ACAN: variants seen among roughly 807,000 people sequenced by gnomAD.
The protein encoded by ACAN is aggrecan, also known as aggrecan core protein.
Under a neutral mutation model 169.1 loss-of-function variants are expected in ACAN, and 47 were observed. The observed-to-expected ratio is 0.28, with a 90% CI of 0.22 to 0.35. The LOEUF (loss-of-function observed/expected upper bound fraction) is 0.35. Ranked by LOEUF, ACAN falls within the 10% of genes least tolerant of loss-of-function variation. The pLI, the probability that ACAN is intolerant of heterozygous loss-of-function variation, is 1.00. For missense variants in ACAN, 2,716 were observed against 2,759.9 expected (o/e 0.98, Z 0.36); for synonymous variants, 1,115 against 1,112.2 (o/e 1.00, Z -0.05).
At position 88,874,146 on chromosome 15, in the gene ACAN, C is replaced by T; in HGVS notation, c.7630+122C>T. The T allele has an allele frequency of 1.2e-5, 16 of 1,358,610 alleles. No homozygotes were observed. The highest frequency in any genetic ancestry group is 9.8e-5 in the Admixed American group (5 of 50,988). 84.2% of individuals were successfully genotyped at this position (1,358,610 alleles called of 1,614,324 possible). ...CAGGGTTGAGCAAGGGAAGGGAGGT[C>T]GGGGGGCTGCTCAGTCACAAATAGC... On this transcript the variant is annotated intron_variant, in intron 18 of 18. Coordinates refer to ENST00000560601, the MANE Select transcript of ACAN (RefSeq NM_001369268.1). The surrounding 1 kb of genome is among the most constrained non-coding windows in gnomAD (Gnocchi z 7.3).
chr15:88,846,043 CA>C (rs1294587260), intron 7 of ACAN, among the ~76,000 whole-genome samples, 161 bp downstream of exon 7: 1 of 152,232 alleles, frequency 6.6e-6, no homozygotes, highest in Non-Finnish European at 1.5e-5. Flanking sequence ...GGAACAAAAA[CA>C]ATAGGCCAGA....
At chr15:88,819,492 G>T (rs11631856) in intron 1 of ACAN, among the ~76,000 whole-genome samples, 29,686 of 151,846 alleles carry the variant, frequency 0.2, 3,416 homozygotes, top group East Asian at 0.32. Context: ...GCTGGATTCA[G>T]GGACTCATGC....
At position 88,838,922 on chromosome 15, in the gene ACAN, G is replaced by A. The variant is rs373654303; in HGVS notation, c.330G>A (p.Pro110=). ...ACAAGGTCTCACTGCCCAACTACCC[G>A]GCCATCCCCAGTGACGCCACCTTGG... ...YQDKVSLPNY[P]AIPSDATLEV... The change falls in exon 3 of 19, where the codon CCG becomes CCA. Residue 110 remains proline (P), a synonymous_variant. Transcript: ENST00000560601. This position sits in a 1 kb window ranked among gnomAD's most constrained non-coding sequence, Gnocchi z 5.1. The A allele has an allele frequency of 3.2e-4, 511 of 1,613,856 alleles. No homozygotes were observed. The highest frequency in any genetic ancestry group is 4.1e-4 in the Non-Finnish European group (489 of 1,179,910).
At chr15:88,864,215 A>G (rs1277369479) in intron 13 of ACAN, among the ~76,000 whole-genome samples, 1 of 152,140 alleles carries the variant, frequency 6.6e-6, no homozygotes, top group Non-Finnish European at 1.5e-5. Context: ...TTCAAGATCA[A>G]CCTTTAAAAT....
chr15:88,832,741 T>C (rs1446022727), intron 1 of ACAN, among the ~76,000 whole-genome samples: 1 of 152,244 alleles, frequency 6.6e-6, no homozygotes, highest in Non-Finnish European at 1.5e-5. Flanking sequence ...TGGAAAGTCA[T>C]CTGGTCCAAC....
chr15:88,837,163 A>G (rs1412055650), intron 2 of ACAN, among the ~76,000 whole-genome samples: 6 of 152,116 alleles, frequency 3.9e-5, no homozygotes, highest in Admixed American at 3.9e-4. Flanking sequence ...GGGAGGGGCC[A>G]AGGAGTGGCT....
intron 1 of ACAN, among the ~76,000 whole-genome samples, chr15:88,818,710 C>T (rs1331075581): frequency 6.6e-6 from 1 of 152,120 alleles, no homozygotes; most frequent in Non-Finnish European, 1.5e-5. Flanking sequence ...AATATGGTGC[C>T]TTCCTCCAAG....
At chr15:88,844,142 TG>T (rs1415121857) in intron 6 of ACAN, among the ~76,000 whole-genome samples, 1 of 152,088 alleles carries the variant, frequency 6.6e-6, no homozygotes, top group Non-Finnish European at 1.5e-5. Context: ...TTTGTTTTTT[TG>T]TTTTTCTTTG....
At chr15:88,840,379 GATT>G (rs986657316) in intron 4 of ACAN, among the ~76,000 whole-genome samples, 193 bp downstream of exon 4, 3 of 152,148 alleles carry the variant, frequency 2.0e-5, no homozygotes, top group African/African-American at 7.2e-5. Context: ...TTGTTATTGT[GATT>G]CTCTCTTGCA....
intron 11 of ACAN, 86 bp from the exon 12 acceptor site, chr15:88,854,765 AG>A: frequency 7.6e-7 from 1 of 1,309,358 alleles, no homozygotes; most frequent in Non-Finnish European, 9.8e-7. Context: ...TACTGTGGAA[AG>A]AATGGAGTTT....
In ACAN at chr15:88,841,760, G is replaced by A. The variant is rs757637229; in HGVS notation, c.650G>A (p.Arg217Gln). 49 of 1,613,436 alleles carry A rather than the reference G, an allele frequency of 3.0e-5. No individual in the cohort carries two copies. Among genetic ancestry groups the A allele is most frequent in the South Asian group, 7.7e-5 (7 of 91,018 alleles). The change falls in exon 5 of 19, where the codon CGG becomes CAG. Residue 217 changes from arginine to glutamine, a missense_variant. Physicochemically the swap from Arg to Gln is conservative, Grantham distance 43 (BLOSUM62 1). Around this residue, in one of 3 missense-constraint regions of ACAN, gnomAD observed 1,283 missense variants for 1,281.5 expected, o/e 1.00. Transcript: ENST00000560601. The part of the protein sequence containing the change: ...QTVRYPIHTP[R>Q]EGCYGDKDEF... The stretch of plus-strand genomic sequence containing the variant: ...GGCAGATACCCCATCCACACTCCCC[G>A]GGAAGGCTGCTATGGAGACAAGGAT...
In ACAN at chr15:88,859,062, C is replaced by G. The variant is rs369871844; in HGVS notation, c.6477C>G (p.Gly2159=). The G allele has an allele frequency of 5.6e-6, 9 of 1,613,800 alleles. No homozygotes were observed. Among genetic ancestry groups the G allele is most frequent in the Non-Finnish European group, 7.6e-6 (9 of 1,179,892 alleles). Residue 2159 remains glycine, a synonymous_variant, in exon 12 of 19, where the codon GGC becomes GGG. Transcript: ENST00000560601. ...VSGSTLTFQE[G]EASAAPEVSG... ...GCAGCACTTTGACATTTCAAGAAGG[C>G]GAGGCGTCCGCTGCCCCAGAAGTGA...
chr15:88,849,874 C>T lies in ACAN; in HGVS notation c.2026+143C>T. 8.3e-7 allele frequency: 1 copy of T among 1,205,198 alleles called. No homozygotes were observed. The highest frequency in any genetic ancestry group is 1.2e-6 in the Non-Finnish European group (1 of 840,614). 74.7% of individuals were successfully genotyped at this position (1,205,198 alleles called of 1,614,324 possible). ...CTCTGGGGCAGAGCCAGCTCTGAAA[C>T]CAGCACAACGCAGGCTTTGACCCCA... On this transcript the variant is annotated intron_variant, in intron 10 of 18. Coordinates refer to ENST00000560601, the MANE Select transcript of ACAN (RefSeq NM_001369268.1). This position sits in a 1 kb window ranked among gnomAD's most constrained non-coding sequence, Gnocchi z 5.1.
chr15:88,849,640 G>T lies in ACAN; in HGVS notation c.1935G>T (p.Gly645=). 1 of 1,613,116 alleles carries T rather than the reference G, an allele frequency of 6.2e-7. No individual in the cohort carries two copies. The highest frequency in any genetic ancestry group is 8.5e-7 in the Non-Finnish European group (1 of 1,179,716). ...PIVTPRPACG[G]DKPGVRTVYL... is the part of the protein sequence containing the mutation. ...TCACCCCAAGGCCTGCCTGCGGTGG[G>T]GACAAGCCAGGCGTGAGAACGGTCT... Residue 645 remains glycine, a synonymous_variant, in exon 10 of 19, where the codon GGG becomes GGT. Transcript: ENST00000560601. The surrounding 1 kb of genome is among the most constrained non-coding windows in gnomAD (Gnocchi z 5.1).
Position 88,857,631 on chromosome 15 carries a change from A to T in ACAN, c.5046A>T (p.Gly1682=). ...ASTASELEGR[G]TIGISGAGEI... Reference sequence around the variant, plus strand: ...CTGCAAGTGAACTGGAAGGGAGGGGAACCATTGGCATCAGTGGTGCAGGAG... The same window carrying T: ...CTGCAAGTGAACTGGAAGGGAGGGGTACCATTGGCATCAGTGGTGCAGGAG... The change falls in exon 12 of 19, where the codon GGA becomes GGT. Residue 1682 remains glycine, a synonymous_variant. Coordinates refer to ENST00000560601, the MANE Select transcript of ACAN (RefSeq NM_001369268.1). 6.2e-7 allele frequency: 1 copy of T among 1,613,988 alleles called. No individual in the cohort carries two copies. Among genetic ancestry groups the T allele is most frequent in the Non-Finnish European group, 8.5e-7 (1 of 1,179,884 alleles).
Position 88,871,651 on chromosome 15 carries a change from C to T in ACAN, c.7219+111C>T. On this transcript the variant is annotated intron_variant, in intron 15 of 18. Transcript: ENST00000560601. This position sits in a 1 kb window ranked among gnomAD's most constrained non-coding sequence, Gnocchi z 7.8. ...GCCTCGTGAGACTGCAGGACAGGGA[C>T]CTGGGGGAGGGGGAACAGTGTTCCC... 2 of 1,372,208 alleles carry T rather than the reference C, an allele frequency of 1.5e-6. No homozygotes were observed. The highest frequency in any genetic ancestry group is 2.0e-6 in the Non-Finnish European group (2 of 1,022,050). 85.0% of individuals were successfully genotyped at this position (1,372,208 alleles called of 1,614,324 possible). A position where few individuals can be genotyped will look rare whatever the true frequency, so the allele number is the denominator to read the frequency against.
At chr15:88,806,856 AATAAAATAGGAAATACCAG>A (rs1203753395) in intron 1 of ACAN, among the ~76,000 whole-genome samples, 6 of 152,144 alleles carry the variant, frequency 3.9e-5, no homozygotes, top group African/African-American at 1.2e-4. Flanking sequence ...CGGGGTTCTT[AATAAAATAGGAAATACCAG>A]ATAATCTCAT....
intron 1 of ACAN, among the ~76,000 whole-genome samples, chr15:88,827,771 T>G (rs1004258982): frequency 2.0e-5 from 3 of 152,194 alleles, no homozygotes; most frequent in African/African-American, 7.2e-5. Flanking sequence ...CTCATTTAAG[T>G]CCTACAGCGT....
chr15:88,847,830 G>T, intron 8 of ACAN, 81 bp from the exon 9 acceptor site: 1 of 1,494,900 alleles, frequency 6.7e-7, no homozygotes, highest in Non-Finnish European at 9.0e-7. Context: ...TCCCTGAGTA[G>T]CCTCTGGCCT....
Sources: gnomAD v4.1 joint callset for allele counts (sites outside exome capture counted in the v4.1 genomes callset) on GRCh38, gnomAD v4.1.1 for gene constraint, gnomAD v4.1.1 regional missense constraint, Gnocchi (gnomAD v3.1) non-coding constraint, MANE v1.5 for transcripts, NCBI Gene and HGNC (gene_info 2026-07-23, HGNC 2026-07-21) for gene names.